The following NAA11 variants were observed in gnomAD, a reference collection of about 807,000 sequenced individuals.
NAA11 encodes N-alpha-acetyltransferase 11.
Under a neutral mutation model 16.1 loss-of-function variants are expected in NAA11, and 15 were observed. That is an observed-to-expected ratio of 0.93 (90% CI 0.62 to 1.44). The LOEUF is 1.44. Among genes scored for constraint, NAA11 ranks in the 40% most tolerant of loss-of-function variants. The pLI is 0.00. For missense variants in NAA11, 298 were observed against 291.3 expected (o/e 1.02, Z -0.17); for synonymous variants, 122 against 112.4 (o/e 1.09, Z -0.54).
the NAA11 span, among the ~76,000 whole-genome samples, chr4:79,202,623 T>TATATATATATATATATATATATA: frequency 5.7e-5 from 3 of 52,638 alleles, no homozygotes; most frequent in East Asian, 5.6e-3. Context: ...ATATATAGTT[T>TATATATATATATATATATATATA]TATATATATA....
At chr4:79,318,913 G>A (rs574414759) in intron 1 of NAA11, among the ~76,000 whole-genome samples, 2 of 152,202 alleles carry the variant, frequency 1.3e-5, no homozygotes, top group South Asian at 4.1e-4. Context: ...CCTTTAAAAT[G>A]TTAGTATTAT....
At chr4:79,304,418 A>T (rs1009769780) in intron 1 of NAA11, among the ~76,000 whole-genome samples, 9 of 152,218 alleles carry the variant, frequency 5.9e-5, no homozygotes, top group Non-Finnish European at 1.0e-4. Context: ...AATGATTAAG[A>T]ATGTGTATGT....
intron 2 of NAA11, among the ~76,000 whole-genome samples, chr4:79,286,861 T>A (rs1394176851): frequency 1.3e-5 from 2 of 152,090 alleles, no homozygotes; most frequent in East Asian, 3.9e-4. Flanking sequence ...TTCTTTGACA[T>A]CATAACATTT....
At chr4:79,174,474 A>G in the NAA11 span, among the ~76,000 whole-genome samples, 2 of 151,744 alleles carry the variant, frequency 1.3e-5, no homozygotes, top group Non-Finnish European at 3.0e-5. Flanking sequence ...CAGTCTCAGT[A>G]GAGAGTATGA....
intron 2 of NAA11, among the ~76,000 whole-genome samples, chr4:79,260,565 G>A (rs1578167459): frequency 6.6e-6 from 1 of 152,168 alleles, no homozygotes; most frequent in East Asian, 1.9e-4. Flanking sequence ...TCTAGGCTAG[G>A]AAAGCATGTG....
the NAA11 span, among the ~76,000 whole-genome samples, chr4:79,181,196 T>A: frequency 1.8e-4 from 28 of 151,736 alleles, no homozygotes; most frequent in Non-Finnish European, 3.4e-4. Flanking sequence ...AACCTGCACG[T>A]TGTGCACATG....
chr4:79,249,892 G>A (rs531082854), intron 2 of NAA11, among the ~76,000 whole-genome samples: 51 of 152,366 alleles, frequency 3.3e-4, no homozygotes, highest in African/African-American at 1.2e-3. Flanking sequence ...AGCTCTCACA[G>A]AGGACAAAAT....
chr4:79,290,464 C>T (rs558287401), intron 2 of NAA11, among the ~76,000 whole-genome samples: 9 of 152,300 alleles, frequency 5.9e-5, no homozygotes, highest in East Asian at 1.9e-4. Context: ...TCTGCTCTCT[C>T]TCTCATCAGC....
chr4:79,319,065 G>A (rs1258936329), intron 1 of NAA11, among the ~76,000 whole-genome samples: 2 of 152,054 alleles, frequency 1.3e-5, no homozygotes, highest in African/African-American at 2.4e-5. Flanking sequence ...CTACAAGCAC[G>A]CACCAGTATA....
At chr4:79,241,465 CA>C (rs1721695140) in intron 2 of NAA11, among the ~76,000 whole-genome samples, 1 of 148,078 alleles carries the variant, frequency 6.8e-6, no homozygotes, top group Admixed American at 6.7e-5. Flanking sequence ...CTTTGTTGTT[CA>C]AAGGTCAACT....
chr4:79,167,270 TAG>T, the NAA11 span, among the ~76,000 whole-genome samples: 213 of 98,388 alleles, frequency 2.2e-3, 2 homozygotes, highest in Admixed American at 8.5e-3. Flanking sequence ...TATATATATA[TAG>T]AGAGAGAGAG....
chr4:79,240,902 G>T (rs529127121), intron 2 of NAA11, among the ~76,000 whole-genome samples: 234 of 152,080 alleles, frequency 1.5e-3, no homozygotes, highest in Admixed American at 3.3e-3. Context: ...ACAAAAAAAG[G>T]CAGGGTAACT....
chr4:79,202,623 T>TTATATATATA, the NAA11 span, among the ~76,000 whole-genome samples: 419 of 52,606 alleles, frequency 8.0e-3, 47 homozygotes, highest in East Asian at 0.022. Flanking sequence ...ATATATAGTT[T>TTATATATATA]TATATATATA....
intron 2 of NAA11, among the ~76,000 whole-genome samples, chr4:79,276,833 T>G (rs1243723526): frequency 6.6e-6 from 1 of 152,132 alleles, no homozygotes; most frequent in East Asian, 1.9e-4. Context: ...CCAGATCAAT[T>G]TAAAGCCCGA....
intron 2 of NAA11, among the ~76,000 whole-genome samples, chr4:79,258,355 C>T (rs1463562571): frequency 6.6e-6 from 1 of 152,238 alleles, no homozygotes; most frequent in Non-Finnish European, 1.5e-5. Context: ...CTGGGAAGGC[C>T]CCCCTTGCCC....
At chr4:79,164,575 T>C in the NAA11 span, among the ~76,000 whole-genome samples, 4 of 152,156 alleles carry the variant, frequency 2.6e-5, no homozygotes, top group South Asian at 2.1e-4. Flanking sequence ...AAAATCTCCT[T>C]GGGAAACACT....
chr4:79,320,170 G>A (rs902757215), intron 1 of NAA11, among the ~76,000 whole-genome samples: 24 of 152,072 alleles, frequency 1.6e-4, no homozygotes, highest in South Asian at 2.1e-4. Flanking sequence ...CATTGCTATG[G>A]CTCCCAAGAA....
intron 2 of NAA11, among the ~76,000 whole-genome samples, chr4:79,241,232 T>C (rs1721688246): frequency 6.6e-6 from 1 of 152,230 alleles, no homozygotes; most frequent in South Asian, 2.1e-4. Flanking sequence ...ATATATTTTC[T>C]CTTTCTTATG....
the NAA11 span, among the ~76,000 whole-genome samples, chr4:79,160,583 T>C: frequency 6.6e-6 from 1 of 152,254 alleles, no homozygotes; most frequent in East Asian, 1.9e-4. Context: ...AATTGTGGTT[T>C]TGATTTGTAT....
Sources: gnomAD v4.1 joint callset for allele counts (sites outside exome capture counted in the v4.1 genomes callset) on GRCh38, gnomAD v4.1.1 for gene constraint, MANE v1.5 for transcripts, NCBI Gene and HGNC (gene_info 2026-07-23, HGNC 2026-07-21) for gene names.